The following MYOM2 variants were observed in gnomAD, a reference collection of about 807,000 sequenced individuals.
MYOM2 encodes myomesin 2.
MYOM2 carries 254 observed loss-of-function variants against 187.6 expected under a neutral mutation model. The ratio of observed to expected loss-of-function variants is 1.35; its 90% CI spans 1.22 to 1.50. MYOM2 has a LOEUF of 1.50. Ranked by LOEUF, MYOM2 falls within the 40% of genes most tolerant of loss-of-function variation. The probability of loss-of-function intolerance (pLI) is 0.00; values close to 1 mark genes in which losing one functional copy is unlikely to be tolerated. For synonymous variants in MYOM2, 981 were observed against 753.8 expected, an observed-to-expected ratio of 1.30 and a Z score of -4.94; for missense variants, 2,796 against 1,924.0, an observed-to-expected ratio of 1.45 and a Z score of -8.48.
chr8:2,082,911 G>C (rs1185167770), intron 13 of MYOM2, among the ~76,000 whole-genome samples: 1 of 152,090 alleles, frequency 6.6e-6, no homozygotes, highest in African/African-American at 2.4e-5. Flanking sequence ...AGTTTCCTTA[G>C]GTGGATGAGG....
rs375349210 is a variant in MYOM2, at chr8:2,101,060, T to A, written c.2619+6T>A. 20 of 1,613,682 alleles carry A rather than the reference T, an allele frequency of 1.2e-5. No individual in the cohort carries two copies. Among genetic ancestry groups the A allele is most frequent in the Non-Finnish European group, 1.6e-5 (19 of 1,179,814 alleles). ...CAGCCAGCCGTTATTTAAAGGTAAG[T>A]CTTGGCCGGCTGTGGTGGCTCATGC... On this transcript the variant is annotated splice_donor_region_variant and intron_variant, in intron 20 of 36. Coordinates refer to ENST00000262113, the MANE Select transcript of MYOM2 (RefSeq NM_003970.4).
intron 25 of MYOM2, among the ~76,000 whole-genome samples, chr8:2,109,954 A>G (rs1480618735): frequency 1.3e-5 from 2 of 152,130 alleles, no homozygotes; most frequent in Middle Eastern, 3.2e-3. Context: ...CGTGGGGAAT[A>G]AGTTTCTGTG....
chr8:2,120,680 T>TATATATATATATATA lies in MYOM2; in HGVS notation c.3454-2572_3454-2571insATATATATATATATA. Among the ~76,000 whole-genome samples, 401 of 48,090 alleles carry TATATATATATATATA rather than the reference T, an allele frequency of 8.3e-3. 25 individuals carry two copies. The highest frequency in any genetic ancestry group is 0.011 in the Middle Eastern group (1 of 88). The allele number at this position is 48,090 out of a possible 152,430, so 31.5% of individuals were successfully genotyped here. A position where few individuals can be genotyped will look rare whatever the true frequency, so the allele number is the denominator to read the frequency against. ...CCTGTATATATATATATATATTATA[T>TATATATATATATATA]TATATATAAATATATAATATATATA... On this transcript the variant is annotated intron_variant, in intron 28 of 36. Coordinates refer to ENST00000262113, the MANE Select transcript of MYOM2 (RefSeq NM_003970.4).
chr8:2,075,728 C>T (rs1428620112), intron 10 of MYOM2, among the ~76,000 whole-genome samples: 4 of 152,148 alleles, frequency 2.6e-5, no homozygotes, highest in East Asian at 1.9e-4. Context: ...AGTAAATCGC[C>T]CAATTTCCTA....
At position 2,145,342 on chromosome 8, in the gene MYOM2, T is replaced by TG. The variant is rs1362986169; in HGVS notation, c.*367dup. 1.5e-5 allele frequency: 5 copies of TG among 325,642 alleles called. No homozygotes were observed. The highest frequency in any genetic ancestry group is 4.3e-5 in the African/African-American group (2 of 46,320). 20.2% of individuals were successfully genotyped at this position (325,642 alleles called of 1,614,324 possible). On this transcript the variant is annotated 3_prime_UTR_variant, in exon 37 of 37. Transcript: ENST00000262113. ...TGTGTGAAGCCACCGTGCTTCTCTTTGGGGGGCCGCGAGATCTAGCATCTC... is the reference window on the plus strand; with the variant it reads ...TGTGTGAAGCCACCGTGCTTCTCTTTGGGGGGGCCGCGAGATCTAGCATCTC...
chr8:2,118,799 G>A (rs1447816872), intron 28 of MYOM2: 1 of 153,022 alleles, frequency 6.5e-6, no homozygotes, highest in African/African-American at 2.4e-5. Flanking sequence ...CAGTGACACG[G>A]GCTGCTGGTT....
intron 19 of MYOM2, among the ~76,000 whole-genome samples, chr8:2,100,085 T>TTTCC (rs1168618592): frequency 1.1e-4 from 6 of 56,204 alleles, no homozygotes; most frequent in South Asian, 1.8e-3. Flanking sequence ...TCCTTTCTTC[T>TTTCC]TTCCTTCCTT....
chr8:2,100,769 T>A (rs1388647938), intron 19 of MYOM2, 107 bp from the exon 20 acceptor site: 30 of 1,058,526 alleles, frequency 2.8e-5, no homozygotes, highest in Non-Finnish European at 4.2e-5. Flanking sequence ...CGGATGGTCC[T>A]GGTGGGGGGC....
At chr8:2,140,683 G>A (rs1369677608) in intron 32 of MYOM2, 40 bp from the exon 33 acceptor site, 2 of 1,603,424 alleles carry the variant, frequency 1.2e-6, no homozygotes, top group Non-Finnish European at 1.7e-6. Context: ...GTGTGACATG[G>A]AGACCCTAAC....
intron 32 of MYOM2, among the ~76,000 whole-genome samples, chr8:2,140,106 C>T (rs1798222820): frequency 6.6e-6 from 1 of 152,172 alleles, no homozygotes; most frequent in Non-Finnish European, 1.5e-5. Context: ...CACAGTTCTA[C>T]TTCCTGTCTC....
At chr8:2,046,908 T>A (rs1407637928) in intron 1 of MYOM2, among the ~76,000 whole-genome samples, 3 of 152,144 alleles carry the variant, frequency 2.0e-5, no homozygotes, top group African/African-American at 7.2e-5. Flanking sequence ...TCATAAATAG[T>A]ACAGGTTGAT....
At chr8:2,108,499 C>A (rs1337225514) in intron 23 of MYOM2, among the ~76,000 whole-genome samples, 1 of 152,044 alleles carries the variant, frequency 6.6e-6, no homozygotes, top group Non-Finnish European at 1.5e-5. Context: ...TTTCGTCTTC[C>A]AAGTCTTCCT....
rs115021746 is a variant in MYOM2, at chr8:2,088,356, G to C, written c.1645-1652G>C. Among the ~76,000 whole-genome samples the C allele has an allele frequency of 2.2e-3, 331 of 152,328 alleles. 2 individuals carry two copies. The highest frequency in any genetic ancestry group is 7.5e-3 in the African/African-American group (311 of 41,572). ...TGACAGGGGTATGTTGTGTGATACT[G>C]ATTTCGAGGTGCAGTTGATCTCGTC... On this transcript the variant is annotated intron_variant, in intron 14 of 36. Transcript: ENST00000262113.
At chr8:2,059,333 C>G in intron 6 of MYOM2, 88 bp downstream of exon 6, 1 of 1,098,604 alleles carries the variant, frequency 9.1e-7, no homozygotes. Context: ...TAACTGGAGG[C>G]CAAATCACAC....
chr8:2,046,091 C>CTT (rs1818303049), intron 1 of MYOM2, among the ~76,000 whole-genome samples: 1 of 152,230 alleles, frequency 6.6e-6, no homozygotes, highest in South Asian at 2.1e-4. Context: ...GCCAACGCTG[C>CTT]GTGTCTGGGA....
rs948471387 is a variant in MYOM2 at position 2,144,685 on chromosome 8, G to A, written c.4102G>A (p.Val1368Met). Residue 1368 changes from valine to methionine, a missense_variant, in exon 37 of 37, where the codon GTG becomes ATG. Coordinates refer to ENST00000262113, the MANE Select transcript of MYOM2 (RefSeq NM_003970.4). ...EGKTLNLTCT[V>M]FGNPDPEVIW... Reference sequence around the variant, plus strand: ...AAAGACCTTGAATCTGACCTGCACGGTGTTTGGAAACCCTGACCCCGAAGT... The same window carrying A: ...AAAGACCTTGAATCTGACCTGCACGATGTTTGGAAACCCTGACCCCGAAGT... The A allele has an allele frequency of 6.2e-7, 1 of 1,613,894 alleles. No individual in the cohort carries two copies. The highest frequency in any genetic ancestry group is 8.5e-7 in the Non-Finnish European group (1 of 1,180,024).
At chr8:2,056,370 C>T (rs1261119560) in intron 3 of MYOM2, among the ~76,000 whole-genome samples, 3 of 152,054 alleles carry the variant, frequency 2.0e-5, no homozygotes, top group East Asian at 3.9e-4. Context: ...ACCTTGGGAA[C>T]GCGATGGTGA....
At chr8:2,101,866 T>G (rs927197783) in intron 20 of MYOM2, 10 of 152,278 alleles carry the variant, frequency 6.6e-5, no homozygotes, top group African/African-American at 2.4e-4. Context: ...TGTGACTTCC[T>G]CCAGCCTCTC....
intron 17 of MYOM2, 43 bp downstream of exon 17, chr8:2,094,134 A>C (rs1796401505): frequency 1.9e-6 from 3 of 1,605,752 alleles, no homozygotes; most frequent in Admixed American, 3.4e-5. Context: ...GCTCCCATAC[A>C]CTGTCATTTC....
Sources: allele counts gnomAD v4.1 joint callset (sites outside exome capture counted in the v4.1 genomes callset), GRCh38; gene constraint gnomAD v4.1.1; transcripts MANE v1.5; gene names NCBI Gene and HGNC (gene_info 2026-07-23, HGNC 2026-07-21).